The following TRHDE variants were observed in gnomAD, a reference collection of about 807,000 sequenced individuals.
TRHDE encodes the protein thyrotropin-releasing hormone-degrading ectoenzyme.
Under a neutral mutation model 125.7 loss-of-function variants are expected in TRHDE, and 72 were observed. That is an observed-to-expected ratio of 0.57 (90% CI 0.47 to 0.70). The LOEUF (loss-of-function observed/expected upper bound fraction) is 0.70. TRHDE is among the 30% of genes least tolerant of loss of function. TRHDE has a pLI of 0.00. For missense variants in TRHDE, 1,110 were observed against 1,327.1 expected (o/e 0.84, Z 2.54); for synonymous variants, 509 against 509.1 (o/e 1.00, Z 0.00).
chr12:72,335,625 G>A (rs1432740911), intron 2 of TRHDE, among the ~76,000 whole-genome samples: 1 of 152,212 alleles, frequency 6.6e-6, no homozygotes, highest in Non-Finnish European at 1.5e-5. Flanking sequence ...CACAGACGGT[G>A]TCATAATCAT....
At chr12:72,324,760 G>A (rs1048266360) in intron 2 of TRHDE, among the ~76,000 whole-genome samples, 6 of 152,104 alleles carry the variant, frequency 3.9e-5, no homozygotes, top group African/African-American at 1.2e-4. Context: ...TTTCCCTTTC[G>A]AATCTTTGCA....
At chr12:72,596,826 T>C (rs780472875) in intron 12 of TRHDE, among the ~76,000 whole-genome samples, 1 of 152,196 alleles carries the variant, frequency 6.6e-6, no homozygotes, top group Non-Finnish European at 1.5e-5. Flanking sequence ...CAGATGAATG[T>C]AGAAGAAGGA....
At chr12:72,102,582 T>C (rs1875093817) in intron 1 of TRHDE, among the ~76,000 whole-genome samples, 1 of 152,184 alleles carries the variant, frequency 6.6e-6, no homozygotes, top group Non-Finnish European at 1.5e-5. Context: ...CAGCTGATAA[T>C]AGCCAGCTTA....
intron 9 of TRHDE, among the ~76,000 whole-genome samples, chr12:72,568,216 A>G (rs1456805359): frequency 6.6e-6 from 1 of 152,160 alleles, no homozygotes; most frequent in Non-Finnish European, 1.5e-5. Context: ...CATAAAAACA[A>G]GTAGAAAGAA....
rs548858389 is a variant in TRHDE at position 72,503,194 on chromosome 12, A to G, written c.1722+3559A>G. Among the ~76,000 whole-genome samples the G allele has an allele frequency of 2.0e-5, 3 of 152,254 alleles. No homozygotes were observed. In the South Asian group the frequency reaches 6.2e-4, roughly 32 times the overall value. ...ACTCTGTACTAGTCACCGAACTAAG[A>G]TTTTTACATTTATTATATAATTTAA... On this transcript the variant is annotated intron_variant, in intron 6 of 18. Coordinates refer to ENST00000261180, the MANE Select transcript of TRHDE (RefSeq NM_013381.3).
At chr12:72,372,331 T>G (rs1040679372) in intron 2 of TRHDE, among the ~76,000 whole-genome samples, 10 of 152,222 alleles carry the variant, frequency 6.6e-5, no homozygotes, top group African/African-American at 2.2e-4. Context: ...TTTCTCCCAT[T>G]TTGTAGGTTG....
At chr12:72,419,140 A>G (rs182590032) in intron 3 of TRHDE, among the ~76,000 whole-genome samples, 10 of 152,316 alleles carry the variant, frequency 6.6e-5, no homozygotes, top group Admixed American at 1.3e-4. Context: ...AACACTTAAG[A>G]TGGAGACTCA....
In TRHDE at chr12:72,500,699, C is replaced by A. The variant is rs1355421830; in HGVS notation, c.1722+1064C>A. Among the ~76,000 whole-genome samples the A allele has an allele frequency of 2.0e-5, 3 of 152,124 alleles. No homozygotes were observed. In the East Asian group the frequency reaches 5.8e-4, roughly 29 times the overall value. On this transcript the variant is annotated intron_variant, in intron 6 of 18. Transcript: ENST00000261180. ...GAGCCATGGCACCCAGCCTGGAATA[C>A]TATTCTCGATACTCTGTGAGGGATA...
intron 15 of TRHDE, among the ~76,000 whole-genome samples, chr12:72,626,957 A>T (rs1174382102): frequency 6.6e-6 from 1 of 151,810 alleles, no homozygotes; most frequent in African/African-American, 2.4e-5. Flanking sequence ...TTTTCTTATT[A>T]TAAAACTGTT....
chr12:72,164,129 A>AAAC (rs59666303), intron 2 of TRHDE, among the ~76,000 whole-genome samples: 14,567 of 152,156 alleles, frequency 0.096, 1,163 homozygotes, highest in African/African-American at 0.22. Context: ...ACAAACAACA[A>AAAC]AACAACAACA....
At chr12:72,642,612 A>T (rs1351742963) in intron 15 of TRHDE, among the ~76,000 whole-genome samples, 1 of 152,186 alleles carries the variant, frequency 6.6e-6, no homozygotes, top group Non-Finnish European at 1.5e-5. Context: ...CATGTTTATC[A>T]TGTATACCGT....
At chr12:72,572,115 C>T (rs1870771979) in intron 10 of TRHDE, among the ~76,000 whole-genome samples, 1 of 151,714 alleles carries the variant, frequency 6.6e-6, no homozygotes, top group Non-Finnish European at 1.5e-5. Context: ...TACAAAATAT[C>T]CTCATTTGAT....
intron 2 of TRHDE, chr12:72,255,657 TA>T (rs2139390359): frequency 6.6e-6 from 1 of 152,358 alleles, no homozygotes; most frequent in African/African-American, 2.4e-5. Flanking sequence ...AGTTCCTCTT[TA>T]ACTTGAGATG....
At chr12:72,434,859 C>A (rs1221370568) in intron 3 of TRHDE, among the ~76,000 whole-genome samples, 2 of 152,170 alleles carry the variant, frequency 1.3e-5, no homozygotes, top group African/African-American at 4.8e-5. Flanking sequence ...GTTGTTCCCC[C>A]ACGTTTCTCC....
rs199740416 is a variant in TRHDE at position 72,638,693 on chromosome 12, A to G, written c.2676-13629A>G. ...CTTCCTTCAGGAGCTCTTTTAGGGC[A>G]GGCCTGGTGGTGACAAAATCTCTCA... On this transcript the variant is annotated intron_variant, in intron 15 of 18. Transcript: ENST00000261180. Among the ~76,000 whole-genome samples, 457 of 151,954 alleles carry G rather than the reference A, an allele frequency of 3.0e-3. 14 individuals carry two copies. In the East Asian group the frequency reaches 0.038, roughly 13 times the overall value.
At chr12:72,590,359 A>G (rs1871622002) in intron 12 of TRHDE, among the ~76,000 whole-genome samples, 1 of 152,090 alleles carries the variant, frequency 6.6e-6, no homozygotes, top group African/African-American at 2.4e-5. Context: ...TTAAATCAAG[A>G]TGAATAGTAG....
chr12:72,234,906 A>G (rs764736588), intron 2 of TRHDE, among the ~76,000 whole-genome samples: 1 of 152,182 alleles, frequency 6.6e-6, no homozygotes, highest in Non-Finnish European at 1.5e-5. Flanking sequence ...CAATGCAATA[A>G]ATAATGTACT....
At chr12:72,500,487 G>A (rs1291989025) in intron 6 of TRHDE, among the ~76,000 whole-genome samples, 1 of 152,138 alleles carries the variant, frequency 6.6e-6, no homozygotes. Context: ...CACCTCCCGG[G>A]TTCAAGTGAT....
intron 2 of TRHDE, among the ~76,000 whole-genome samples, chr12:72,376,124 A>C (rs1253881881): frequency 6.6e-6 from 1 of 152,126 alleles, no homozygotes; most frequent in Admixed American, 6.5e-5. Context: ...AAGGTGCAAG[A>C]GTATGGAAGT....
Sources: gnomAD v4.1 joint callset for allele counts (sites outside exome capture counted in the v4.1 genomes callset) on GRCh38, gnomAD v4.1.1 for gene constraint, MANE v1.5 for transcripts, NCBI Gene and HGNC (gene_info 2026-07-23, HGNC 2026-07-21) for gene names.